ARMC9: variants seen among roughly 807,000 people sequenced by gnomAD.
The protein encoded by ARMC9 is armadillo repeat containing 9.
ARMC9 carries 94 observed loss-of-function variants against 107.0 expected under a neutral mutation model. The ratio of observed to expected loss-of-function variants is 0.88; its 90% CI spans 0.74 to 1.04. The LOEUF (loss-of-function observed/expected upper bound fraction) is 1.04. ARMC9 is among the 50% of genes least tolerant of loss of function. The probability of loss-of-function intolerance (pLI) is 0.00; values close to 1 mark genes in which losing one functional copy is unlikely to be tolerated. For synonymous variants in ARMC9, 380 were observed against 396.9 expected (o/e 0.96, Z 0.51); for missense variants, 942 against 1,030.1 (o/e 0.91, Z 1.17).
intron 23 of ARMC9, among the ~76,000 whole-genome samples, chr2:231,364,248 C>T (rs1373003751): frequency 6.6e-6 from 1 of 152,200 alleles, no homozygotes; most frequent in Non-Finnish European, 1.5e-5. Flanking sequence ...GGTGCTTGTG[C>T]CTGGAAGTTC....
chr2:231,314,638 CT>C (rs2042560485), intron 19 of ARMC9, among the ~76,000 whole-genome samples: 1 of 152,206 alleles, frequency 6.6e-6, no homozygotes, highest in South Asian at 2.1e-4. Flanking sequence ...TAATCCACCC[CT>C]CTTCCCAGTT....
At chr2:231,199,296 C>T (rs770442332) in intron 1 of ARMC9, among the ~76,000 whole-genome samples, 1 of 152,220 alleles carries the variant, frequency 6.6e-6, no homozygotes, top group Non-Finnish European at 1.5e-5. Context: ...GGTTCTCAAA[C>T]TTGAGAGTGT....
At chr2:231,258,589 T>C (rs1054534181) in intron 10 of ARMC9, among the ~76,000 whole-genome samples, 1 of 152,216 alleles carries the variant, frequency 6.6e-6, no homozygotes, top group Admixed American at 6.5e-5. Context: ...GGTAGAACTC[T>C]TGGGGCCTGC....
At chr2:231,248,630 A>G (rs1023663245) in intron 9 of ARMC9, among the ~76,000 whole-genome samples, 16 of 151,870 alleles carry the variant, frequency 1.1e-4, no homozygotes, top group Admixed American at 3.3e-4. Context: ...AACATGGTGA[A>G]ACCCCGTCTC....
intron 23 of ARMC9, among the ~76,000 whole-genome samples, chr2:231,364,157 C>T (rs947069304): frequency 2.0e-5 from 3 of 152,244 alleles, no homozygotes; most frequent in Admixed American, 6.5e-5. Flanking sequence ...AAGGTGATGG[C>T]AGGGCTGCCT....
At chr2:231,250,578 C>T (rs1046013228) in intron 9 of ARMC9, among the ~76,000 whole-genome samples, 15 of 151,994 alleles carry the variant, frequency 9.9e-5, no homozygotes, top group South Asian at 6.2e-4. Flanking sequence ...GGAGGGTAGA[C>T]GGTGATGCTG....
chr2:231,312,639 C>A (rs2042422143), intron 19 of ARMC9, among the ~76,000 whole-genome samples: 1 of 147,732 alleles, frequency 6.8e-6, no homozygotes. Flanking sequence ...TTTTTTTTTC[C>A]AATTGAAGTT....
intron 11 of ARMC9, 111 bp downstream of exon 11, chr2:231,259,213 C>A: frequency 1.1e-6 from 1 of 939,042 alleles, no homozygotes; most frequent in South Asian, 1.7e-5. Context: ...CTTTCTTCCC[C>A]GCTGTCTGCT....
At position 231,264,799 on chromosome 2, in the gene ARMC9, G is replaced by A. The variant is rs544774923; in HGVS notation, c.1119+2401G>A. On this transcript the variant is annotated intron_variant, in intron 12 of 24. Coordinates refer to ENST00000611582, the MANE Select transcript of ARMC9 (RefSeq NM_001352754.2). ...GGCCTGAGCCACTGTGCCCAGCCTG[G>A]TTTATTTTTTTAAGAAGAAATGAGC... Among the ~76,000 whole-genome samples, 27 of 152,196 alleles carry A rather than the reference G, an allele frequency of 1.8e-4. No homozygotes were observed. The East Asian group carries it at 5.3e-3, about 30-fold the overall frequency.
At chr2:231,243,980 A>G (rs80327675) in intron 9 of ARMC9, among the ~76,000 whole-genome samples, 2,972 of 152,278 alleles carry the variant, frequency 0.02, 99 homozygotes, top group African/African-American at 0.069. Flanking sequence ...ACAGAAGGCC[A>G]TCAATTTCAA....
chr2:231,202,319 CTTT>C (rs745728209), intron 1 of ARMC9, among the ~76,000 whole-genome samples: 1 of 123,880 alleles, frequency 8.1e-6, no homozygotes, highest in Admixed American at 8.3e-5. Context: ...TCTTGTTTCA[CTTT>C]TTTTTTTTTT....
At chr2:231,281,684 G>T in intron 16 of ARMC9, among the ~76,000 whole-genome samples, 1 of 152,186 alleles carries the variant, frequency 6.6e-6, no homozygotes, top group African/African-American at 2.4e-5. Flanking sequence ...AAAAAGAGGG[G>T]TTCCTATCGA....
In ARMC9 at chr2:231,320,694, A is replaced by G. The variant is rs577970908; in HGVS notation, c.1774-11099A>G. On this transcript the variant is annotated intron_variant, in intron 19 of 24. Transcript: ENST00000611582. ...GTGGCAGGGGGTGGCATTAAAGCCA[A>G]GGCTGGGACCTGTCTTAATCCCTGG... 4.9e-4 allele frequency among the ~76,000 whole-genome samples: 74 copies of G among 152,304 alleles called. 1 individual carries two copies. Among genetic ancestry groups the G allele is most frequent in the African/African-American group, 1.6e-3 (68 of 41,566 alleles).
intron 12 of ARMC9, among the ~76,000 whole-genome samples, chr2:231,264,035 A>G (rs2038627177): frequency 6.6e-6 from 1 of 151,896 alleles, no homozygotes. Context: ...TTCTTTCTTG[A>G]TTATGTATAA....
At chr2:231,296,989 G>A (rs140483285) in intron 19 of ARMC9, among the ~76,000 whole-genome samples, 1 of 152,172 alleles carries the variant, frequency 6.6e-6, no homozygotes, top group East Asian at 1.9e-4. Flanking sequence ...ATCTATTTTG[G>A]GGGGAGCATT....
At chr2:231,325,667 A>G (rs995926100) in intron 19 of ARMC9, among the ~76,000 whole-genome samples, 3 of 152,212 alleles carry the variant, frequency 2.0e-5, no homozygotes, top group Non-Finnish European at 4.4e-5. Context: ...CCTAAAATTC[A>G]TCATAAAATG....
At chr2:231,256,341 C>T in intron 9 of ARMC9, 8 of 1,517,248 alleles carry the variant, frequency 5.3e-6, no homozygotes, top group Non-Finnish European at 4.5e-6. Flanking sequence ...ATGTCGGGTT[C>T]GACCACTTGG....
At chr2:231,235,464 G>A (rs1279576210) in intron 8 of ARMC9, 83 bp downstream of exon 8, 1 of 1,457,290 alleles carries the variant, frequency 6.9e-7, no homozygotes, top group African/African-American at 1.4e-5. Flanking sequence ...TATGGCAGGT[G>A]GAGCCTGCCT....
intron 7 of ARMC9, among the ~76,000 whole-genome samples, chr2:231,229,869 T>C (rs1011553064): frequency 6.6e-6 from 1 of 152,118 alleles, no homozygotes; most frequent in African/African-American, 2.4e-5. Flanking sequence ...AAAATCTCAT[T>C]TACCCTTTAA....
Sources: gnomAD v4.1 joint callset for allele counts (sites outside exome capture counted in the v4.1 genomes callset) on GRCh38, gnomAD v4.1.1 for gene constraint, MANE v1.5 for transcripts, NCBI Gene and HGNC (gene_info 2026-07-23, HGNC 2026-07-21) for gene names.